TNS3: variants seen among roughly 807,000 people sequenced by gnomAD.
TNS3 encodes tensin-3.
In TNS3, 45 loss-of-function variants were observed where a neutral mutation model predicts 140.9. The observed-to-expected ratio is 0.32, with a 90% CI of 0.25 to 0.41. The LOEUF is 0.41. Ranked by LOEUF, TNS3 falls within the 10% of genes least tolerant of loss-of-function variation. The pLI, the probability that TNS3 is intolerant of heterozygous loss-of-function variation, is 1.00. For missense variants in TNS3, 1,716 were observed against 1,906.7 expected, an observed-to-expected ratio of 0.90 and a Z score of 1.86; for synonymous variants, 815 against 788.4, an observed-to-expected ratio of 1.03 and a Z score of -0.56.
intron 4 of TNS3, among the ~76,000 whole-genome samples, chr7:47,452,507 C>A (rs1005834160): frequency 2.0e-5 from 3 of 152,214 alleles, no homozygotes; most frequent in Non-Finnish European, 4.4e-5. Context: ...AAACAACAGA[C>A]TAAGATTGTA....
At position 47,345,004 on chromosome 7, in the gene TNS3, A is replaced by G. The variant is rs1789248354; in HGVS notation, c.2486T>C (p.Ile829Thr). 3 of 1,614,010 alleles carry G rather than the reference A, an allele frequency of 1.9e-6. No homozygotes were observed. The highest frequency in any genetic ancestry group is 2.7e-5 in the African/African-American group (2 of 74,918). The change falls in exon 19 of 31, where the codon ATT becomes ACT. Residue 829 changes from isoleucine to threonine, a missense_variant. Around this residue, in one of 3 missense-constraint regions of TNS3, gnomAD observed 1,163 missense variants for 1,182.1 expected, o/e 0.98. Coordinates refer to ENST00000311160, the MANE Select transcript of TNS3 (RefSeq NM_022748.12). ...GCTACTTAAAATTCTGCCATCGATAATATCGAGGTCCTGGGGATAGCCAGG... is the reference window on the plus strand; with the variant it reads ...GCTACTTAAAATTCTGCCATCGATAGTATCGAGGTCCTGGGGATAGCCAGG... ...MTPGYPQDLD[I>T]IDGRILSSKE...
At chr7:47,341,867 A>G (rs541340092) in intron 20 of TNS3, among the ~76,000 whole-genome samples, 1 of 152,168 alleles carries the variant, frequency 6.6e-6, no homozygotes, top group African/African-American at 2.4e-5. Flanking sequence ...GGCTGTATTA[A>G]AGCAGTGGAT....
intron 20 of TNS3, among the ~76,000 whole-genome samples, chr7:47,329,918 C>T (rs549592003): frequency 4.5e-4 from 69 of 152,232 alleles, no homozygotes; most frequent in African/African-American, 1.6e-3. Context: ...CTTCTGTGCC[C>T]GTGTCACAGC....
At chr7:47,540,443 C>T (rs1404874609) in intron 1 of TNS3, among the ~76,000 whole-genome samples, 1 of 152,172 alleles carries the variant, frequency 6.6e-6, no homozygotes, top group Non-Finnish European at 1.5e-5. Context: ...GTACAAGGTT[C>T]CCTGGGGGAG....
Position 47,423,887 on chromosome 7 carries a change from T to C in TNS3, c.473+214A>G, listed in dbSNP as rs992862331. ...TACCTGTCAGTGCAAGCCAGCAGCATAGGGGGCTGTCTCTCACCACAGACA... is the reference window on the plus strand; with the variant it reads ...TACCTGTCAGTGCAAGCCAGCAGCACAGGGGGCTGTCTCTCACCACAGACA... On this transcript the variant is annotated intron_variant, in intron 10 of 30. Coordinates refer to ENST00000311160, the MANE Select transcript of TNS3 (RefSeq NM_022748.12). Among the ~76,000 whole-genome samples, 5 of 152,120 alleles carry C rather than the reference T, an allele frequency of 3.3e-5. No homozygotes were observed. In the East Asian group the frequency reaches 7.7e-4, roughly 23 times the overall value.
intron 5 of TNS3, among the ~76,000 whole-genome samples, chr7:47,439,942 G>A (rs1048805921): frequency 6.6e-6 from 1 of 152,156 alleles, no homozygotes. Flanking sequence ...TCAGAGCAGT[G>A]ACGCATGGGC....
At chr7:47,293,185 T>C (rs1210868690) in intron 25 of TNS3, among the ~76,000 whole-genome samples, 1 of 152,244 alleles carries the variant, frequency 6.6e-6, no homozygotes, top group African/African-American at 2.4e-5. Context: ...TTGTTGGATC[T>C]TGAATCAGGA....
At chr7:47,556,976 AGCCAT>A (rs1438903909) in intron 1 of TNS3, 2 of 454,434 alleles carry the variant, frequency 4.4e-6, no homozygotes, top group African/African-American at 4.0e-5. Flanking sequence ...CCTGCCACCA[AGCCAT>A]GCCCCCCACA....
intron 20 of TNS3, among the ~76,000 whole-genome samples, chr7:47,313,603 C>G (rs1169325814): frequency 1.3e-5 from 2 of 152,202 alleles, no homozygotes; most frequent in Admixed American, 6.5e-5. Context: ...CTATGACTGA[C>G]ATTGCTCTTA....
At chr7:47,541,756 G>A (rs529348725) in intron 1 of TNS3, among the ~76,000 whole-genome samples, 57 of 152,180 alleles carry the variant, frequency 3.7e-4, no homozygotes, top group African/African-American at 1.3e-3. Context: ...AGACCATCCT[G>A]GCTAACACGG....
chr7:47,291,266 A>G (rs73695303), intron 27 of TNS3, among the ~76,000 whole-genome samples: 4,612 of 152,258 alleles, frequency 0.03, 232 homozygotes, highest in African/African-American at 0.1. Context: ...ACCTGTCATT[A>G]TGCATTTGTC....
At chr7:47,387,587 T>C (rs1792150518) in intron 16 of TNS3, among the ~76,000 whole-genome samples, 1 of 152,174 alleles carries the variant, frequency 6.6e-6, no homozygotes, top group Non-Finnish European at 1.5e-5. Context: ...AGCTGCACCT[T>C]TTGTATGAAC....
chr7:47,343,227 C>T lies in TNS3; in HGVS notation c.2650+1528G>A, dbSNP rs538609520. 3.3e-5 allele frequency among the ~76,000 whole-genome samples: 5 copies of T among 152,292 alleles called. No homozygotes were observed. In the East Asian group the frequency reaches 9.7e-4, roughly 29 times the overall value. ...GAGCTCATCTCCAGGCTGGGACAAT[C>T]GGGCCAGCATAAGACAGCCAGGCCA... On this transcript the variant is annotated intron_variant, in intron 20 of 30. Transcript: ENST00000311160.
chr7:47,365,594 T>C (rs898654716), intron 17 of TNS3, among the ~76,000 whole-genome samples: 15 of 152,114 alleles, frequency 9.9e-5, no homozygotes, highest in Admixed American at 6.5e-4. Flanking sequence ...AAACTCCATC[T>C]CTACTAAAAA....
intron 20 of TNS3, among the ~76,000 whole-genome samples, chr7:47,314,791 T>G (rs541399584): frequency 6.6e-6 from 1 of 152,118 alleles, no homozygotes; most frequent in Non-Finnish European, 1.5e-5. Context: ...CAGATGGGAT[T>G]TGCACCGTCT....
intron 20 of TNS3, among the ~76,000 whole-genome samples, chr7:47,312,988 G>A (rs971993134): frequency 3.9e-5 from 6 of 152,196 alleles, no homozygotes; most frequent in Admixed American, 2.0e-4. Flanking sequence ...AAACAAAAGC[G>A]AAACAGGGAG....
chr7:47,470,920 G>T (rs1437987862), intron 4 of TNS3, among the ~76,000 whole-genome samples: 3 of 151,904 alleles, frequency 2.0e-5, no homozygotes, highest in Non-Finnish European at 2.9e-5. Context: ...CTTGTGTGAG[G>T]CTCACATTGA....
chr7:47,339,839 T>C (rs1282367761), intron 20 of TNS3, among the ~76,000 whole-genome samples: 4 of 151,734 alleles, frequency 2.6e-5, no homozygotes, highest in African/African-American at 7.3e-5. Context: ...TCCCCACTTA[T>C]TGAAATATTC....
intron 20 of TNS3, among the ~76,000 whole-genome samples, chr7:47,332,275 C>G (rs1788384709): frequency 6.6e-6 from 1 of 152,212 alleles, no homozygotes. Flanking sequence ...AAGGTGAGGG[C>G]CTTCGGAGGA....
Sources: gnomAD v4.1 joint callset for allele counts (sites outside exome capture counted in the v4.1 genomes callset) on GRCh38, gnomAD v4.1.1 for gene constraint, gnomAD v4.1.1 regional missense constraint, MANE v1.5 for transcripts, NCBI Gene and HGNC (gene_info 2026-07-23, HGNC 2026-07-21) for gene names.